Variants in TG observed in about 807,000 individuals in gnomAD.
The protein encoded by TG is thyroid hormones.
TG carries 270 observed loss-of-function variants against 324.7 expected under a neutral mutation model. The ratio of observed to expected loss-of-function variants is 0.83; its 90% CI spans 0.75 to 0.92. The LOEUF is 0.92. Among genes scored for constraint, TG ranks in the 40% least tolerant of loss-of-function variants. The pLI is 0.00. For missense variants in TG, 3,591 were observed against 3,456.4 expected, an observed-to-expected ratio of 1.04 and a Z score of -0.98; for synonymous variants, 1,401 against 1,327.0, an observed-to-expected ratio of 1.06 and a Z score of -1.21.
intron 34 of TG, among the ~76,000 whole-genome samples, chr8:132,975,298 G>A (rs1016085935): frequency 3.3e-5 from 5 of 152,220 alleles, no homozygotes; most frequent in South Asian, 2.1e-4. Flanking sequence ...TGGAAGAATC[G>A]GGTAAAAAGA....
chr8:132,882,724 A>G (rs1814823081), intron 7 of TG, 90 bp from the exon 8 acceptor site: 1 of 1,612,420 alleles, frequency 6.2e-7, no homozygotes, highest in Admixed American at 1.7e-5. Context: ...GCAGAGATGA[A>G]AAGAATCGTT....
chr8:132,934,976 G>A (rs1823352008), intron 24 of TG, among the ~76,000 whole-genome samples: 1 of 151,940 alleles, frequency 6.6e-6, no homozygotes, highest in Non-Finnish European at 1.5e-5. Context: ...GCCAGCTCCA[G>A]CCTCTCTCTC....
At chr8:133,011,066 A>T (rs74429855) in intron 35 of TG, among the ~76,000 whole-genome samples, 1 of 152,154 alleles carries the variant, frequency 6.6e-6, no homozygotes, top group Non-Finnish European at 1.5e-5. Flanking sequence ...GGAGATTTGC[A>T]TGCAAGAAGC....
At chr8:132,935,401 C>T (rs1823436927) in intron 24 of TG, among the ~76,000 whole-genome samples, 1 of 152,046 alleles carries the variant, frequency 6.6e-6, no homozygotes. Flanking sequence ...GCCTCGGCCT[C>T]CCAAAGTGCT....
At chr8:132,998,552 A>G (rs2130813298) in intron 35 of TG, among the ~76,000 whole-genome samples, 1 of 152,306 alleles carries the variant, frequency 6.6e-6, no homozygotes, top group African/African-American at 2.4e-5. Context: ...GACATTGCTC[A>G]AAGGGAAGCT....
intron 43 of TG, chr8:133,102,660 G>A (rs1359703142): frequency 9.4e-6 from 11 of 1,169,602 alleles, no homozygotes; most frequent in Admixed American, 6.0e-5. Context: ...CTGTCATGGG[G>A]AATTTCTCCC....
chr8:133,023,016 G>A (rs1208628875), intron 40 of TG, among the ~76,000 whole-genome samples: 3 of 152,176 alleles, frequency 2.0e-5, no homozygotes, highest in Admixed American at 1.3e-4. Context: ...GCACATCTTC[G>A]AGGATAGTGA....
At chr8:132,876,406 G>A (rs1813804972) in intron 5 of TG, among the ~76,000 whole-genome samples, 1 of 152,174 alleles carries the variant, frequency 6.6e-6, no homozygotes, top group Non-Finnish European at 1.5e-5. Flanking sequence ...CACAAGCTTT[G>A]TTTTGGGATG....
chr8:132,889,559 A>T (rs1250752608), intron 10 of TG, among the ~76,000 whole-genome samples: 1 of 152,226 alleles, frequency 6.6e-6, no homozygotes, highest in African/African-American at 2.4e-5. Context: ...AGTTCCAGCA[A>T]TAGAACCCTC....
At chr8:133,125,915 A>C (rs1851482061) in intron 45 of TG, among the ~76,000 whole-genome samples, 1 of 152,182 alleles carries the variant, frequency 6.6e-6, no homozygotes. Context: ...TTTTATAGAA[A>C]ATATATATAA....
intron 35 of TG, among the ~76,000 whole-genome samples, chr8:133,000,717 G>A (rs1282801661): frequency 6.6e-6 from 1 of 152,214 alleles, no homozygotes; most frequent in East Asian, 1.9e-4. Flanking sequence ...CTATGTGCAT[G>A]CGATAGGGTG....
At chr8:133,126,980 G>A (rs910752106) in intron 45 of TG, among the ~76,000 whole-genome samples, 2 of 152,084 alleles carry the variant, frequency 1.3e-5, no homozygotes, top group Non-Finnish European at 2.9e-5. Context: ...GAAGAGCAGG[G>A]ACTGAAATCC....
chr8:132,922,384 T>A (rs1821231301), intron 21 of TG, among the ~76,000 whole-genome samples: 1 of 152,218 alleles, frequency 6.6e-6, no homozygotes, highest in Non-Finnish European at 1.5e-5. Flanking sequence ...GCAAGGCATT[T>A]GGATACAATA....
At chr8:133,045,202 GGAGA>G in intron 41 of TG, 9 of 1,437,940 alleles carry the variant, frequency 6.3e-6, no homozygotes, top group South Asian at 1.2e-5. Context: ...ACTGAGGCAG[GGAGA>G]CCTGCCCACC....
At chr8:132,880,301 A>G (rs1461709725) in intron 5 of TG, among the ~76,000 whole-genome samples, 2 of 152,202 alleles carry the variant, frequency 1.3e-5, no homozygotes, top group African/African-American at 4.8e-5. Context: ...TCCTTTTAGG[A>G]GTGTTAGGTG....
At chr8:133,080,943 G>A (rs985140931) in intron 41 of TG, among the ~76,000 whole-genome samples, 1 of 152,242 alleles carries the variant, frequency 6.6e-6, no homozygotes, top group Non-Finnish European at 1.5e-5. Context: ...AGGCCACTTG[G>A]TGTTTTATTT....
Position 132,912,766 on chromosome 8 carries a change from C to T in TG, c.4160-281C>T, listed in dbSNP as rs16904787. 7.1e-3 allele frequency among the ~76,000 whole-genome samples: 1,076 copies of T among 152,220 alleles called. 10 individuals carry two copies. The highest frequency in any genetic ancestry group is 0.025 in the African/African-American group (1,029 of 41,520). ...AACCTTAGACTAGTGACTGAAGACC[C>T]GATATCCTATGTTAACATGGGTTGC... On this transcript the variant is annotated intron_variant, in intron 19 of 47. Transcript: ENST00000220616.
chr8:133,116,458 T>A (rs908981829), intron 44 of TG, 151 bp from the exon 45 acceptor site: 1 of 696,960 alleles, frequency 1.4e-6, no homozygotes, highest in Non-Finnish European at 2.6e-6. Flanking sequence ...TTGGAGAGCA[T>A]TGCTGGGGAA....
chr8:132,962,528 C>G (rs1278758426), intron 28 of TG, among the ~76,000 whole-genome samples: 1 of 152,218 alleles, frequency 6.6e-6, no homozygotes, highest in Non-Finnish European at 1.5e-5. Context: ...GATACCTGCA[C>G]TGCCACAGGC....
Sources: gnomAD v4.1 joint callset for allele counts (sites outside exome capture counted in the v4.1 genomes callset) on GRCh38, gnomAD v4.1.1 for gene constraint, MANE v1.5 for transcripts, NCBI Gene and HGNC (gene_info 2026-07-23, HGNC 2026-07-21) for gene names.